The following EXOC6B variants were observed in gnomAD, a reference collection of about 807,000 sequenced individuals.
EXOC6B encodes exocyst complex component 6B.
A neutral mutation model predicts 113.5 loss-of-function variants in EXOC6B; 54 were observed. The observed-to-expected ratio is 0.48, with a 90% CI of 0.38 to 0.60. The LOEUF is 0.60. Ranked by LOEUF, EXOC6B falls within the 20% of genes least tolerant of loss-of-function variation. The pLI is 0.00. For missense variants in EXOC6B, 797 were observed against 977.5 expected (o/e 0.82, Z 2.46); for synonymous variants, 357 against 339.0 (o/e 1.05, Z -0.58).
At chr2:72,403,713 G>A (rs1488946042) in intron 18 of EXOC6B, among the ~76,000 whole-genome samples, 1 of 151,870 alleles carries the variant, frequency 6.6e-6, no homozygotes, top group Admixed American at 6.6e-5. Flanking sequence ...CCTTAAAAAA[G>A]TAAAAAACTT....
At chr2:72,656,624 T>C (rs1427806916) in intron 6 of EXOC6B, among the ~76,000 whole-genome samples, 3 of 151,886 alleles carry the variant, frequency 2.0e-5, no homozygotes, top group Admixed American at 1.3e-4. Context: ...GATAAAAAGC[T>C]CCCCCCTTAT....
chr2:72,536,427 ATTGT>A (rs1702295224), intron 8 of EXOC6B, among the ~76,000 whole-genome samples: 1 of 152,120 alleles, frequency 6.6e-6, no homozygotes, highest in Non-Finnish European at 1.5e-5. Flanking sequence ...GTTATTTATA[ATTGT>A]TTGCTATATG....
At chr2:72,704,217 C>T (rs543338363) in intron 6 of EXOC6B, among the ~76,000 whole-genome samples, 7 of 150,192 alleles carry the variant, frequency 4.7e-5, no homozygotes, top group Non-Finnish European at 1.0e-4. Flanking sequence ...CAACCTGCTC[C>T]TGAATGACTA....
chr2:72,526,156 G>T (rs1054797111), intron 8 of EXOC6B, among the ~76,000 whole-genome samples: 1 of 151,894 alleles, frequency 6.6e-6, no homozygotes, highest in Admixed American at 6.6e-5. Flanking sequence ...GTTGCCAAAA[G>T]GAATAGAGGC....
At chr2:72,815,955 T>C (rs1162629078) in intron 1 of EXOC6B, among the ~76,000 whole-genome samples, 4 of 152,102 alleles carry the variant, frequency 2.6e-5, no homozygotes, top group South Asian at 2.1e-4. Flanking sequence ...GGTCAGGAGC[T>C]CAAAACCAGC....
chr2:72,443,145 T>G (rs373505396), intron 18 of EXOC6B, among the ~76,000 whole-genome samples: 3 of 151,780 alleles, frequency 2.0e-5, no homozygotes, highest in Non-Finnish European at 4.4e-5. Flanking sequence ...GCCAATATGA[T>G]GAAACCCCAT....
At chr2:72,185,786 A>G (rs1678388150) in intron 20 of EXOC6B, among the ~76,000 whole-genome samples, 1 of 149,288 alleles carries the variant, frequency 6.7e-6, no homozygotes, top group Non-Finnish European at 1.5e-5. Flanking sequence ...GTACATGTGC[A>G]CAACGTGCAG....
intron 20 of EXOC6B, among the ~76,000 whole-genome samples, chr2:72,230,601 G>A (rs1681559601): frequency 6.6e-6 from 1 of 151,936 alleles, no homozygotes; most frequent in Non-Finnish European, 1.5e-5. Flanking sequence ...ATTTAAATGA[G>A]GTTTTAAAAA....
chr2:72,502,526 C>T (rs1700380620), intron 11 of EXOC6B, among the ~76,000 whole-genome samples: 1 of 152,068 alleles, frequency 6.6e-6, no homozygotes, highest in Non-Finnish European at 1.5e-5. Context: ...CCACCCCGGG[C>T]AACAAAGTGA....
At chr2:72,408,999 T>A (rs1050663373) in intron 18 of EXOC6B, among the ~76,000 whole-genome samples, 6 of 152,048 alleles carry the variant, frequency 3.9e-5, no homozygotes, top group Admixed American at 2.6e-4. Flanking sequence ...GAATCTACAA[T>A]GAACTCAAAC....
intron 12 of EXOC6B, among the ~76,000 whole-genome samples, chr2:72,499,694 T>C (rs192520209): frequency 1.0e-3 from 152 of 152,084 alleles, no homozygotes; most frequent in African/African-American, 3.6e-3. Context: ...CTACTGGTGA[T>C]TTTTTATGTT....
At chr2:72,772,925 G>A (rs1265542492) in intron 1 of EXOC6B, among the ~76,000 whole-genome samples, 1 of 151,888 alleles carries the variant, frequency 6.6e-6, no homozygotes, top group Non-Finnish European at 1.5e-5. Context: ...TAAAGCTCCA[G>A]TAGCCAGCCC....
At chr2:72,330,847 G>A (rs1433830270) in intron 20 of EXOC6B, among the ~76,000 whole-genome samples, 8 of 151,952 alleles carry the variant, frequency 5.3e-5, no homozygotes, top group Non-Finnish European at 1.2e-4. Flanking sequence ...ATTTCCTATT[G>A]CTTTCTTGGA....
chr2:72,209,158 G>A (rs1316179658), intron 20 of EXOC6B, among the ~76,000 whole-genome samples: 4 of 144,528 alleles, frequency 2.8e-5, no homozygotes, highest in African/African-American at 1.1e-4. Flanking sequence ...GGGAGGCAGA[G>A]GTTGTGGTGA....
intron 5 of EXOC6B, among the ~76,000 whole-genome samples, chr2:72,722,574 GTAC>G (rs1680077834): frequency 6.6e-6 from 1 of 152,116 alleles, no homozygotes; most frequent in Non-Finnish European, 1.5e-5. Flanking sequence ...AGAAATAAAA[GTAC>G]AAATATAGTT....
At chr2:72,349,520 A>C (rs1689527459) in intron 19 of EXOC6B, among the ~76,000 whole-genome samples, 1 of 152,164 alleles carries the variant, frequency 6.6e-6, no homozygotes, top group Non-Finnish European at 1.5e-5. Context: ...TGATTTAATC[A>C]ATCTTGCCTA....
chr2:72,815,570 T>C (rs1686191268), intron 1 of EXOC6B, among the ~76,000 whole-genome samples: 1 of 150,956 alleles, frequency 6.6e-6, no homozygotes, highest in African/African-American at 2.4e-5. Flanking sequence ...CCCTTAAACA[T>C]ATTATTGTGA....
chr2:72,804,304 T>C (rs1023140655), intron 1 of EXOC6B, among the ~76,000 whole-genome samples: 4 of 152,220 alleles, frequency 2.6e-5, no homozygotes, highest in African/African-American at 4.8e-5. Flanking sequence ...GCCTATTTTG[T>C]CTATTATGCC....
At chr2:72,535,224 T>C (rs1338543059) in intron 8 of EXOC6B, among the ~76,000 whole-genome samples, 1 of 152,174 alleles carries the variant, frequency 6.6e-6, no homozygotes, top group Non-Finnish European at 1.5e-5. Flanking sequence ...CTCTTCAGAG[T>C]CTATTGTGCT....
Sources: allele counts gnomAD v4.1 joint callset (sites outside exome capture counted in the v4.1 genomes callset), GRCh38; gene constraint gnomAD v4.1.1; transcripts MANE v1.5; gene names NCBI Gene and HGNC (gene_info 2026-07-23, HGNC 2026-07-21).